NCALD: variants seen among roughly 807,000 people sequenced by gnomAD.
NCALD encodes neurocalcin-delta.
In NCALD, 10 loss-of-function variants were observed where a neutral mutation model predicts 18.6. The observed-to-expected ratio is 0.54, with a 90% CI of 0.33 to 0.91. NCALD has a LOEUF of 0.91. NCALD is among the 40% of genes least tolerant of loss of function. The probability of loss-of-function intolerance (pLI) is 0.03; values close to 1 mark genes in which losing one functional copy is unlikely to be tolerated. For synonymous variants in NCALD, 88 were observed against 87.4 expected, an observed-to-expected ratio of 1.01 and a Z score of -0.04; for missense variants, 184 against 247.6, an observed-to-expected ratio of 0.74 and a Z score of 1.72.
rs561861748 is a variant in NCALD, at chr8:102,031,440, T to C, written c.-209-11151A>G. On this transcript the variant is annotated intron_variant, in intron 1 of 6. Coordinates refer to the NCALD transcript ENST00000311028. ...GAAGTGAAGGGGGTTATGATGGAGA[T>C]AGGTCACACAGAAGAGACTTCTAGG... 7.2e-5 allele frequency among the ~76,000 whole-genome samples: 11 copies of C among 152,282 alleles called. No homozygotes were observed. In the South Asian group the frequency reaches 2.3e-3, roughly 32 times the overall value.
At chr8:102,027,277 C>G (rs1822492211) in intron 1 of NCALD, among the ~76,000 whole-genome samples, 1 of 152,208 alleles carries the variant, frequency 6.6e-6, no homozygotes, top group Non-Finnish European at 1.5e-5. Context: ...GCAAATTTTC[C>G]AAATTTTTAT....
intron 2 of NCALD, among the ~76,000 whole-genome samples, chr8:102,004,787 C>A (rs1821632000): frequency 6.6e-6 from 1 of 152,026 alleles, no homozygotes; most frequent in African/African-American, 2.4e-5. Context: ...GGAAAGGATT[C>A]CCTATTTAAT....
At chr8:102,010,059 GCAA>G (rs1172172194) in intron 2 of NCALD, among the ~76,000 whole-genome samples, 1 of 152,198 alleles carries the variant, frequency 6.6e-6, no homozygotes, top group African/African-American at 2.4e-5. Context: ...AGATAAGTAA[GCAA>G]CAACGAGGAA....
intron 2 of NCALD, among the ~76,000 whole-genome samples, chr8:101,924,154 T>C (rs1818260396): frequency 1.3e-5 from 2 of 152,214 alleles, no homozygotes; most frequent in Non-Finnish European, 2.9e-5. Context: ...CTTGGAGATA[T>C]GAAACTCTGA....
At chr8:101,741,936 C>A (rs1262362813) in intron 1 of NCALD, among the ~76,000 whole-genome samples, 140 of 76,090 alleles carry the variant, frequency 1.8e-3, no homozygotes, top group Non-Finnish European at 2.3e-3. Context: ...AAGCCTGTCT[C>A]AAAAAAAAAA....
chr8:101,949,728 C>A (rs1215567488), intron 2 of NCALD, among the ~76,000 whole-genome samples: 1 of 151,650 alleles, frequency 6.6e-6, no homozygotes, highest in African/African-American at 2.4e-5. Flanking sequence ...AGCAATTTAA[C>A]TTAAGAAAAT....
intron 1 of NCALD, among the ~76,000 whole-genome samples, chr8:101,776,921 C>T (rs1811816558): frequency 6.6e-6 from 1 of 152,170 alleles, no homozygotes; most frequent in African/African-American, 2.4e-5. Flanking sequence ...GATAAGAACC[C>T]TGTAGTCAGA....
At chr8:101,887,973 T>C (rs1167707547) in intron 3 of NCALD, among the ~76,000 whole-genome samples, 2 of 152,196 alleles carry the variant, frequency 1.3e-5, no homozygotes, top group Non-Finnish European at 2.9e-5. Context: ...GCAATAAAAA[T>C]GGCTGTAGCA....
intron 1 of NCALD, among the ~76,000 whole-genome samples, chr8:102,020,725 C>T (rs1367437242): frequency 6.6e-6 from 1 of 152,218 alleles, no homozygotes; most frequent in Admixed American, 6.5e-5. Flanking sequence ...GGAACCCCTT[C>T]CACAACTTTC....
intron 2 of NCALD, among the ~76,000 whole-genome samples, chr8:101,946,590 A>C (rs1399075856): frequency 2.0e-5 from 3 of 152,202 alleles, no homozygotes; most frequent in Non-Finnish European, 4.4e-5. Context: ...GAGCCCTATC[A>C]GAGCAACAGG....
At chr8:101,717,992 G>A (rs6468790) in intron 2 of NCALD, among the ~76,000 whole-genome samples, 149,390 of 152,350 alleles carry the variant, frequency 0.98, 73,305 homozygotes, top group Non-Finnish European at 1. Context: ...AAGTCACCTC[G>A]GGATGCTACA....
chr8:101,723,906 A>C (rs1277779363), intron 1 of NCALD, among the ~76,000 whole-genome samples: 2 of 152,186 alleles, frequency 1.3e-5, no homozygotes, highest in African/African-American at 4.8e-5. Context: ...TTTGTTGTTA[A>C]GTGTGCTACA....
chr8:101,865,491 G>T (rs1178245552), intron 4 of NCALD, among the ~76,000 whole-genome samples: 2 of 152,090 alleles, frequency 1.3e-5, no homozygotes, highest in Non-Finnish European at 2.9e-5. Flanking sequence ...TCTCTTTGGG[G>T]TGTCAACTGC....
intron 1 of NCALD, among the ~76,000 whole-genome samples, chr8:101,757,067 A>G (rs1458168054): frequency 2.0e-5 from 3 of 152,106 alleles, no homozygotes; most frequent in Non-Finnish European, 4.4e-5. Context: ...AAACTATTTC[A>G]TGCCATAATC....
chr8:102,079,434 C>T (rs761799783), intron 1 of NCALD, among the ~76,000 whole-genome samples: 12 of 152,210 alleles, frequency 7.9e-5, no homozygotes, highest in Non-Finnish European at 1.8e-4. Context: ...ATGACATCTG[C>T]TAGCACCTGG....
intron 1 of NCALD, among the ~76,000 whole-genome samples, chr8:102,044,955 G>A (rs1210079466): frequency 1.3e-5 from 2 of 152,144 alleles, no homozygotes; most frequent in Admixed American, 6.5e-5. Context: ...CACAGTAGGT[G>A]CATTTAAGTG....
At chr8:101,752,831 A>G (rs1174342377) in intron 1 of NCALD, among the ~76,000 whole-genome samples, 1 of 152,260 alleles carries the variant, frequency 6.6e-6, no homozygotes, top group East Asian at 1.9e-4. Flanking sequence ...TTTAGTCACC[A>G]CATTGAAAAT....
intron 2 of NCALD, among the ~76,000 whole-genome samples, chr8:101,969,907 G>A (rs1306897450): frequency 6.6e-6 from 1 of 152,064 alleles, no homozygotes; most frequent in Non-Finnish European, 1.5e-5. Context: ...AATGTAGAAA[G>A]TAGAAATAAA....
chr8:101,718,346 T>C (rs975167612), intron 2 of NCALD, among the ~76,000 whole-genome samples: 1 of 152,130 alleles, frequency 6.6e-6, no homozygotes, highest in Non-Finnish European at 1.5e-5. Flanking sequence ...TGTGGTGGAG[T>C]GAAGTCAACA....
Sources: gnomAD v4.1 joint callset for allele counts (sites outside exome capture counted in the v4.1 genomes callset) on GRCh38, gnomAD v4.1.1 for gene constraint, MANE v1.5 for transcripts, NCBI Gene and HGNC (gene_info 2026-07-23, HGNC 2026-07-21) for gene names.